SLC25A31: variants seen among roughly 807,000 people sequenced by gnomAD.
SLC25A31 encodes solute carrier family 25 member 31.
SLC25A31 carries 40 observed loss-of-function variants against 36.2 expected under a neutral mutation model. The observed-to-expected ratio is 1.10, with a 90% CI of 0.86 to 1.44. The LOEUF is 1.44. SLC25A31 is among the 40% of genes most tolerant of loss of function. The pLI is 0.00. For missense variants in SLC25A31, 350 were observed against 397.1 expected, an observed-to-expected ratio of 0.88 and a Z score of 1.01; for synonymous variants, 143 against 149.7, an observed-to-expected ratio of 0.96 and a Z score of 0.32.
intron 1 of SLC25A31, among the ~76,000 whole-genome samples, chr4:127,735,194 A>G (rs2148752328): frequency 6.6e-6 from 1 of 152,352 alleles, no homozygotes; most frequent in East Asian, 1.9e-4. Flanking sequence ...AGAAACAATG[A>G]CAGTCTAATT....
At chr4:127,770,673 C>T (rs1732339062) in intron 5 of SLC25A31, among the ~76,000 whole-genome samples, 3 of 151,064 alleles carry the variant, frequency 2.0e-5, no homozygotes, top group South Asian at 2.1e-4. Flanking sequence ...TAAGGATAAA[C>T]GGCATGATGT....
chr4:127,751,758 A>T lies in SLC25A31; in HGVS notation c.360+6959A>T, dbSNP rs1288980131. ...ACAACCCCATCAAAAAGTGGGCAAAAGATATGAACAGACACTTCTCAAAAG... is the reference window on the plus strand; with the variant it reads ...ACAACCCCATCAAAAAGTGGGCAAATGATATGAACAGACACTTCTCAAAAG... On this transcript the variant is annotated intron_variant, in intron 2 of 5. Transcript: ENST00000281154. 2.0e-5 allele frequency among the ~76,000 whole-genome samples: 3 copies of T among 152,108 alleles called. No individual in the cohort carries two copies. In the East Asian group the frequency reaches 5.8e-4, roughly 29 times the overall value.
chr4:127,768,924 C>G, intron 5 of SLC25A31, 47 bp downstream of exon 5: 3 of 1,494,256 alleles, frequency 2.0e-6, no homozygotes, highest in Non-Finnish European at 2.7e-6. Flanking sequence ...TTTAATATCT[C>G]TGATATTTAG....
At chr4:127,743,705 T>A (rs1019377233) in intron 1 of SLC25A31, among the ~76,000 whole-genome samples, 1 of 152,222 alleles carries the variant, frequency 6.6e-6, no homozygotes, top group Admixed American at 6.5e-5. Context: ...CACTTTATAT[T>A]CAGCCTTGGG....
chr4:127,733,272 G>A (rs1323697864), intron 1 of SLC25A31, among the ~76,000 whole-genome samples: 1 of 152,216 alleles, frequency 6.6e-6, no homozygotes, highest in African/African-American at 2.4e-5. Flanking sequence ...TACAGGTTGA[G>A]TATCCGAAAA....
At chr4:127,750,281 A>G (rs1578662089) in intron 2 of SLC25A31, among the ~76,000 whole-genome samples, 1 of 152,224 alleles carries the variant, frequency 6.6e-6, no homozygotes, top group African/African-American at 2.4e-5. Context: ...AACTTACAGT[A>G]GGGTTACATC....
At chr4:127,748,693 G>A (rs1270733490) in intron 2 of SLC25A31, among the ~76,000 whole-genome samples, 1 of 152,186 alleles carries the variant, frequency 6.6e-6, no homozygotes, top group African/African-American at 2.4e-5. Flanking sequence ...GGACCCAGCA[G>A]CAGCCATGTG....
At chr4:127,772,907 G>A (rs572090126) in intron 5 of SLC25A31, among the ~76,000 whole-genome samples, 4 of 151,146 alleles carry the variant, frequency 2.6e-5, no homozygotes, top group Non-Finnish European at 4.4e-5. Context: ...TCAGCCTCCC[G>A]GGTAGCTGGG....
chr4:127,767,095 G>A lies in SLC25A31; in HGVS notation c.508G>A (p.Gly170Ser), dbSNP rs114139713. Residue 170 changes from glycine (G) to serine (S), a missense_variant, in exon 4 of 6, where the codon GGT becomes AGT. Coordinates refer to ENST00000281154, the MANE Select transcript of SLC25A31 (RefSeq NM_031291.4). ...GPEERQFKGL[G>S]DCIMKIAKSD... ...TGAGGAGCGACAATTCAAGGGTTTA[G>A]GTGACTGTATTATGAAAATAGCAAA... 8.6e-5 allele frequency: 138 copies of A among 1,613,264 alleles called. No homozygotes were observed. In the East Asian group the frequency reaches 3.0e-3, roughly 35 times the overall value.
chr4:127,749,813 A>G (rs1186259719), intron 2 of SLC25A31, among the ~76,000 whole-genome samples: 1 of 151,980 alleles, frequency 6.6e-6, no homozygotes, highest in East Asian at 1.9e-4. Flanking sequence ...AGGTGGGATG[A>G]TTGCTTGAAG....
intron 2 of SLC25A31, among the ~76,000 whole-genome samples, chr4:127,763,449 C>G (rs1732180446): frequency 6.6e-6 from 1 of 152,128 alleles, no homozygotes; most frequent in South Asian, 2.1e-4. Flanking sequence ...TTGCAGTGGC[C>G]TCGTATCCTG....
chr4:127,736,345 CTTTTA>C (rs911580944), intron 1 of SLC25A31, among the ~76,000 whole-genome samples: 16 of 152,182 alleles, frequency 1.1e-4, no homozygotes, highest in Admixed American at 3.3e-4. Flanking sequence ...GAAACTTAAA[CTTTTA>C]TTTATTTATT....
At position 127,773,521 on chromosome 4, in the gene SLC25A31, G is replaced by A. The variant is rs534539390; in HGVS notation, c.895G>A (p.Val299Ile). The A allele has an allele frequency of 9.4e-5, 151 of 1,605,472 alleles. 4 individuals are homozygous for A. In the South Asian group the frequency reaches 1.7e-3, roughly 18 times the overall value. ...LRGTGGALVL[V>I]LYDKIKEFFH... ...CGGTACAGGGGGTGCTTTGGTGTTG[G>A]TATTATATGATAAAATTAAAGAATT... Residue 299 changes from valine to isoleucine, a missense_variant, in exon 6 of 6, where the codon GTA (valine) becomes ATA (isoleucine). Transcript: ENST00000281154.
At chr4:127,742,690 G>T (rs930826731) in intron 1 of SLC25A31, among the ~76,000 whole-genome samples, 3 of 152,040 alleles carry the variant, frequency 2.0e-5, no homozygotes, top group Admixed American at 1.3e-4. Context: ...TTCTAACTTT[G>T]GACTTAGTTT....
intron 1 of SLC25A31, among the ~76,000 whole-genome samples, chr4:127,742,853 T>G (rs1156792604): frequency 6.6e-6 from 1 of 152,216 alleles, no homozygotes; most frequent in Non-Finnish European, 1.5e-5. Context: ...TCCCAAGATT[T>G]AATTTTCCTC....
intron 1 of SLC25A31, among the ~76,000 whole-genome samples, chr4:127,731,327 A>G (rs1422078413): frequency 1.1e-4 from 16 of 152,084 alleles, no homozygotes; most frequent in Non-Finnish European, 2.4e-4. Context: ...TATTCTACTG[A>G]AGACCAAGGG....
At chr4:127,766,152 GT>G (rs200817660) in intron 3 of SLC25A31, among the ~76,000 whole-genome samples, 8 of 38,636 alleles carry the variant, frequency 2.1e-4, no homozygotes, top group Admixed American at 7.5e-4. Context: ...TTTTTTATTT[GT>G]TTTTTTTTTT....
intron 1 of SLC25A31, among the ~76,000 whole-genome samples, chr4:127,733,378 A>G (rs1731565586): frequency 6.6e-6 from 1 of 152,222 alleles, no homozygotes; most frequent in Non-Finnish European, 1.5e-5. Flanking sequence ...AAAATCCAAA[A>G]TGCTCTAATA....
At chr4:127,773,191 A>C (rs899879562) in intron 5 of SLC25A31, among the ~76,000 whole-genome samples, 195 bp from the exon 6 acceptor site, 1 of 152,174 alleles carries the variant, frequency 6.6e-6, no homozygotes, top group Non-Finnish European at 1.5e-5. Flanking sequence ...TTAACGCCTA[A>C]TGTATGGTCA....
Sources: allele counts gnomAD v4.1 joint callset (sites outside exome capture counted in the v4.1 genomes callset), GRCh38; gene constraint gnomAD v4.1.1; transcripts MANE v1.5; gene names NCBI Gene and HGNC (gene_info 2026-07-23, HGNC 2026-07-21).